Variants in CCDC148 observed in about 807,000 individuals in gnomAD.
CCDC148 encodes coiled-coil domain-containing protein 148.
In CCDC148, 89 loss-of-function variants were observed where a neutral mutation model predicts 85.7. The ratio of observed to expected loss-of-function variants is 1.04; its 90% CI spans 0.87 to 1.24. The LOEUF (loss-of-function observed/expected upper bound fraction) is 1.24, where lower values mean the gene tolerates loss of function less well. CCDC148 is among the 50% of genes most tolerant of loss of function. The pLI, the probability that CCDC148 is intolerant of heterozygous loss-of-function variation, is 0.00. For missense variants in CCDC148, 692 were observed against 671.7 expected, an observed-to-expected ratio of 1.03 and a Z score of -0.33; for synonymous variants, 230 against 213.9, an observed-to-expected ratio of 1.08 and a Z score of -0.66.
intron 7 of CCDC148, among the ~76,000 whole-genome samples, chr2:158,328,227 T>C (rs1186101641): frequency 6.6e-6 from 1 of 152,136 alleles, no homozygotes; most frequent in Non-Finnish European, 1.5e-5. Flanking sequence ...TGTGTTCTCA[T>C]TGTTCAATTC....
intron 11 of CCDC148, among the ~76,000 whole-genome samples, chr2:158,218,552 C>T (rs186075415): frequency 3.3e-5 from 5 of 152,294 alleles, no homozygotes; most frequent in African/African-American, 1.2e-4. Context: ...AAGAAGCTCC[C>T]TGACTATGAG....
intron 9 of CCDC148, among the ~76,000 whole-genome samples, chr2:158,299,046 T>C (rs1691324795): frequency 6.6e-6 from 1 of 152,208 alleles, no homozygotes; most frequent in Non-Finnish European, 1.5e-5. Flanking sequence ...ATTTTACTGA[T>C]GCTTTGTCTT....
chr2:158,244,716 C>T (rs1235495033), intron 10 of CCDC148, among the ~76,000 whole-genome samples: 1 of 152,116 alleles, frequency 6.6e-6, no homozygotes, highest in Non-Finnish European at 1.5e-5. Flanking sequence ...ATTTTAAGGT[C>T]TTCTGTGCCA....
intron 9 of CCDC148, among the ~76,000 whole-genome samples, chr2:158,263,217 G>C (rs1207395025): frequency 3.3e-5 from 5 of 152,006 alleles, no homozygotes; most frequent in African/African-American, 1.2e-4. Context: ...CTCTACTTTA[G>C]GGCATGTACT....
At chr2:158,301,889 G>C (rs1439215101) in intron 9 of CCDC148, among the ~76,000 whole-genome samples, 1 of 152,194 alleles carries the variant, frequency 6.6e-6, no homozygotes, top group African/African-American at 2.4e-5. Context: ...CGATAATGTA[G>C]ACTATTCTTT....
intron 7 of CCDC148, among the ~76,000 whole-genome samples, chr2:158,332,272 G>A (rs1008914707): frequency 3.3e-5 from 5 of 151,704 alleles, no homozygotes; most frequent in African/African-American, 1.2e-4. Flanking sequence ...ATGAAGCTTA[G>A]TTTAGCTGGA....
chr2:158,244,582 T>G (rs910286060), intron 10 of CCDC148, among the ~76,000 whole-genome samples: 1 of 152,116 alleles, frequency 6.6e-6, no homozygotes, highest in African/African-American at 2.4e-5. Context: ...GCCATGTGAC[T>G]CCCTCAGTCT....
At chr2:158,181,048 T>C (rs1408385973) in intron 11 of CCDC148, among the ~76,000 whole-genome samples, 2 of 152,162 alleles carry the variant, frequency 1.3e-5, no homozygotes, top group South Asian at 4.1e-4. Flanking sequence ...CTAATGAGGT[T>C]CTACTCAATT....
At chr2:158,266,462 T>C (rs1689457717) in intron 9 of CCDC148, among the ~76,000 whole-genome samples, 1 of 152,178 alleles carries the variant, frequency 6.6e-6, no homozygotes, top group Non-Finnish European at 1.5e-5. Flanking sequence ...ACCCACATTC[T>C]TTTTAAATTT....
intron 9 of CCDC148, among the ~76,000 whole-genome samples, chr2:158,284,021 T>C (rs36131504): frequency 0.31 from 45,008 of 145,942 alleles, 7,483 homozygotes; most frequent in Middle Eastern, 0.44. Flanking sequence ...TAAACTATCG[T>C]AAGAACAAAA....
chr2:158,385,758 A>G (rs1272745168), intron 1 of CCDC148, among the ~76,000 whole-genome samples: 3 of 152,122 alleles, frequency 2.0e-5, no homozygotes, highest in African/African-American at 4.8e-5. Flanking sequence ...GCTTCTGGCA[A>G]CTTCTTGGGG....
At chr2:158,266,886 ATTT>A (rs1482898072) in intron 9 of CCDC148, among the ~76,000 whole-genome samples, 1 of 145,064 alleles carries the variant, frequency 6.9e-6, no homozygotes, top group Non-Finnish European at 1.5e-5. Context: ...ATATATATAT[ATTT>A]ATTTACATAT....
intron 10 of CCDC148, among the ~76,000 whole-genome samples, chr2:158,243,344 T>C (rs1157706341): frequency 6.6e-6 from 1 of 152,092 alleles, no homozygotes; most frequent in East Asian, 1.9e-4. Flanking sequence ...CCCATCACTA[T>C]AATCAAATTT....
At chr2:158,295,226 T>C (rs1408668529) in intron 9 of CCDC148, among the ~76,000 whole-genome samples, 2 of 152,026 alleles carry the variant, frequency 1.3e-5, no homozygotes, top group Non-Finnish European at 2.9e-5. Context: ...ATTGTGGCAA[T>C]AATCAATAGC....
chr2:158,192,742 A>T (rs190178556), intron 11 of CCDC148, among the ~76,000 whole-genome samples: 1 of 152,024 alleles, frequency 6.6e-6, no homozygotes, highest in African/African-American at 2.4e-5. Context: ...CCAAACAGTA[A>T]ACCCAAGGGA....
chr2:158,231,569 C>T (rs1687858290), intron 10 of CCDC148, among the ~76,000 whole-genome samples: 1 of 152,138 alleles, frequency 6.6e-6, no homozygotes, highest in Admixed American at 6.6e-5. Context: ...TCAGTTTTAG[C>T]ATTGCCTTCT....
In CCDC148 at chr2:158,250,709, A is replaced by G. The variant is rs553421829; in HGVS notation, c.1251+63T>C. 2.6e-4 allele frequency: 376 copies of G among 1,454,264 alleles called. 3 individuals are homozygous for G. In the South Asian group the frequency reaches 5.1e-3, roughly 20 times the overall value. The allele number at this position is 1,454,264 out of a possible 1,614,324, so 90.1% of individuals were successfully genotyped here. On this transcript the variant is annotated intron_variant, in intron 10 of 13. Coordinates refer to ENST00000283233, the MANE Select transcript of CCDC148 (RefSeq NM_138803.4). Reference sequence around the variant, plus strand: ...GAATTTCATGCCAAACACCAAGACCAAAAAGCTCAATCAGGCCATTAAGCA... The same window carrying G: ...GAATTTCATGCCAAACACCAAGACCGAAAAGCTCAATCAGGCCATTAAGCA...
intron 11 of CCDC148, among the ~76,000 whole-genome samples, chr2:158,184,776 A>C (rs1349877316): frequency 6.6e-6 from 1 of 152,148 alleles, no homozygotes; most frequent in Non-Finnish European, 1.5e-5. Flanking sequence ...TACATAGCTT[A>C]GTCATTCTCA....
At chr2:158,361,996 CA>C (rs201419924) in intron 1 of CCDC148, among the ~76,000 whole-genome samples, 9,019 of 109,910 alleles carry the variant, frequency 0.082, 439 homozygotes, top group African/African-American at 0.19. Context: ...AATGGAAAGC[CA>C]AAAAAAAAAA....
Sources: allele counts gnomAD v4.1 joint callset (sites outside exome capture counted in the v4.1 genomes callset), GRCh38; gene constraint gnomAD v4.1.1; transcripts MANE v1.5; gene names NCBI Gene and HGNC (gene_info 2026-07-23, HGNC 2026-07-21).